Variants in SORBS2 observed in about 807,000 individuals in gnomAD.
The protein encoded by SORBS2 is sorbin and SH3 domain-containing protein 2.
A neutral mutation model predicts 97.7 loss-of-function variants in SORBS2; 46 were observed. The ratio of observed to expected loss-of-function variants is 0.47; its 90% CI spans 0.37 to 0.60. SORBS2 has a LOEUF of 0.60. SORBS2 is among the 20% of genes least tolerant of loss of function. The pLI, the probability that SORBS2 is intolerant of heterozygous loss-of-function variation, is 0.00. For missense variants in SORBS2, 1,316 were observed against 1,282.3 expected (o/e 1.03, Z -0.40); for synonymous variants, 476 against 473.4 (o/e 1.01, Z -0.07).
At chr4:185,806,570 G>C (rs995798912) in intron 1 of SORBS2, among the ~76,000 whole-genome samples, 1 of 147,750 alleles carries the variant, frequency 6.8e-6, no homozygotes, top group African/African-American at 2.5e-5. Context: ...CCATTCTCCT[G>C]CCTCAGCCTC....
At chr4:185,886,909 G>A (rs2099239953) in intron 1 of SORBS2, among the ~76,000 whole-genome samples, 1 of 152,170 alleles carries the variant, frequency 6.6e-6, no homozygotes, top group Non-Finnish European at 1.5e-5. Context: ...TAGACCAAAT[G>A]GTCAGAAACT....
At chr4:185,792,149 C>T (rs1309169987) in intron 1 of SORBS2, among the ~76,000 whole-genome samples, 1 of 152,178 alleles carries the variant, frequency 6.6e-6, no homozygotes, top group Non-Finnish European at 1.5e-5. Flanking sequence ...TTTCCTTTGG[C>T]CCCATTCTAG....
At chr4:185,715,022 A>G (rs1354010978) in intron 2 of SORBS2, among the ~76,000 whole-genome samples, 1 of 152,256 alleles carries the variant, frequency 6.6e-6, no homozygotes, top group Non-Finnish European at 1.5e-5. Flanking sequence ...AAATCATTAA[A>G]AAGAAGACCA....
chr4:185,764,450 G>A (rs2098922596), intron 2 of SORBS2, among the ~76,000 whole-genome samples: 1 of 152,144 alleles, frequency 6.6e-6, no homozygotes, highest in Non-Finnish European at 1.5e-5. Context: ...CATCTTGAAT[G>A]TAAGTTTACA....
chr4:185,813,744 C>T (rs1045666534), intron 1 of SORBS2, among the ~76,000 whole-genome samples: 15 of 152,346 alleles, frequency 9.8e-5, no homozygotes, highest in African/African-American at 3.4e-4. Flanking sequence ...CAACACCTGG[C>T]CCAAATGGAC....
intron 1 of SORBS2, among the ~76,000 whole-genome samples, chr4:185,942,011 G>T (rs2099272251): frequency 6.6e-6 from 1 of 152,040 alleles, no homozygotes; most frequent in South Asian, 2.1e-4. Context: ...AGCTACTCGG[G>T]AGTCTGAGGC....
At chr4:185,721,437 C>T (rs939620936) in intron 2 of SORBS2, among the ~76,000 whole-genome samples, 19 of 152,116 alleles carry the variant, frequency 1.2e-4, no homozygotes, top group Admixed American at 3.9e-4. Flanking sequence ...AAGATCAGCA[C>T]GGTGACTGGG....
intron 12 of SORBS2, among the ~76,000 whole-genome samples, chr4:185,608,344 C>T (rs77781662): frequency 0.025 from 3,800 of 152,244 alleles, 164 homozygotes; most frequent in African/African-American, 0.087. Flanking sequence ...TACATAACTA[C>T]GGCTTCAAAG....
rs1231431595 is a variant in SORBS2 at position 185,647,159 on chromosome 4, G to C, written c.282-377C>G. 2.0e-5 allele frequency among the ~76,000 whole-genome samples: 3 copies of C among 152,280 alleles called. No individual in the cohort carries two copies. The South Asian group carries it at 6.2e-4, about 32-fold the overall frequency. On this transcript the variant is annotated intron_variant, in intron 3 of 14. Transcript: ENST00000418609. ...TGTTTGATCTTATTTCTTGAAGTGG[G>C]ATCATCGCTTGGGAAGAGCACAGAA... is the stretch of plus-strand genomic sequence containing the variant.
intron 2 of SORBS2, among the ~76,000 whole-genome samples, chr4:185,695,490 C>G (rs1206303768): frequency 7.3e-6 from 1 of 137,072 alleles, no homozygotes; most frequent in African/African-American, 2.5e-5. Context: ...AGTAGGAAAA[C>G]ATTGCAGGAT....
chr4:185,669,515 G>GGGTA (rs2097675321), intron 4 of SORBS2, among the ~76,000 whole-genome samples: 1 of 152,170 alleles, frequency 6.6e-6, no homozygotes, highest in Non-Finnish European at 1.5e-5. Flanking sequence ...AGGTGGAAGA[G>GGGTA]GGTAGCTGTG....
At chr4:185,746,607 C>T (rs755725827) in intron 2 of SORBS2, among the ~76,000 whole-genome samples, 4 of 152,116 alleles carry the variant, frequency 2.6e-5, no homozygotes, top group African/African-American at 4.8e-5. Flanking sequence ...TGTGGGCCAC[C>T]GCGCCCGGCC....
At position 185,623,209 on chromosome 4, in the gene SORBS2, T is replaced by C; in HGVS notation, c.1920A>G (p.Lys640=). ...CAGCTTTAATTTGGTCACAGATGTCTTTAAGGGCAGAGTCCAGAGCCTCAA... is the reference window on the plus strand; with the variant it reads ...CAGCTTTAATTTGGTCACAGATGTCCTTAAGGGCAGAGTCCAGAGCCTCAA... The change falls in exon 7 of 15, where the codon AAA becomes AAG. Residue 640 remains lysine (K), a synonymous_variant. Transcript: ENST00000418609. This position sits in a 1 kb window ranked among gnomAD's most constrained non-coding sequence, Gnocchi z 6.4. The C allele has an allele frequency of 2.5e-6, 4 of 1,614,126 alleles. No individual in the cohort carries two copies. Among genetic ancestry groups the C allele is most frequent in the Non-Finnish European group, 3.4e-6 (4 of 1,180,014 alleles).
intron 2 of SORBS2, among the ~76,000 whole-genome samples, chr4:185,704,775 T>C (rs924749463): frequency 2.0e-5 from 3 of 152,178 alleles, no homozygotes; most frequent in African/African-American, 7.2e-5. Context: ...TCTATCTCAG[T>C]CCCACAGTTC....
intron 9 of SORBS2, 176 bp from the exon 22 acceptor site, chr4:185,615,335 A>T (rs867213840): frequency 6.8e-6 from 4 of 592,134 alleles, no homozygotes; most frequent in Middle Eastern, 4.5e-4. Flanking sequence ...AATGCACTTA[A>T]AACATTATAA....
chr4:185,794,441 T>C lies in SORBS2; in HGVS notation c.-337-19075A>G, dbSNP rs1290717003. Among the ~76,000 whole-genome samples the C allele has an allele frequency of 3.3e-5, 5 of 152,316 alleles. No homozygotes were observed. In the East Asian group the frequency reaches 9.6e-4, roughly 29 times the overall value. On this transcript the variant is annotated intron_variant, in intron 1 of 20. Coordinates refer to the SORBS2 transcript ENST00000284776. ...ATTTACATTTTTAAGGCAGGGGAGT[T>C]GCAGTCACAGCCACAAATATAAAAA...
chr4:185,697,784 C>T (rs1015206889), intron 2 of SORBS2, among the ~76,000 whole-genome samples: 2 of 152,182 alleles, frequency 1.3e-5, no homozygotes, highest in African/African-American at 4.8e-5. Flanking sequence ...TGATTTCCCA[C>T]CTTGTACTGA....
chr4:185,773,473 C>T (rs1266428393), intron 2 of SORBS2: 3 of 152,250 alleles, frequency 2.0e-5, no homozygotes, highest in African/African-American at 7.2e-5. Context: ...GCATCTGCTC[C>T]TAATCCAGGG....
At chr4:185,679,139 A>G (rs974710182) in intron 2 of SORBS2, among the ~76,000 whole-genome samples, 2 of 152,206 alleles carry the variant, frequency 1.3e-5, no homozygotes, top group African/African-American at 4.8e-5. Flanking sequence ...ATCAAATTAA[A>G]GGATCAAAAG....
Sources: allele counts gnomAD v4.1 joint callset (sites outside exome capture counted in the v4.1 genomes callset), GRCh38; gene constraint gnomAD v4.1.1; non-coding constraint Gnocchi (gnomAD v3.1); transcripts MANE v1.5; gene names NCBI Gene and HGNC (gene_info 2026-07-23, HGNC 2026-07-21).